The following COL19A1 variants were observed in gnomAD, a reference collection of about 807,000 sequenced individuals.
COL19A1 encodes the protein collagen alpha-1(XIX) chain.
Under a neutral mutation model 190.2 loss-of-function variants are expected in COL19A1, and 159 were observed. The observed-to-expected ratio is 0.84, with a 90% CI of 0.73 to 0.95. The LOEUF is 0.95. COL19A1 is among the 40% of genes least tolerant of loss of function. The probability of loss-of-function intolerance (pLI) is 0.00; values close to 1 mark genes in which losing one functional copy is unlikely to be tolerated. For missense variants in COL19A1, 1,418 were observed against 1,431.9 expected (o/e 0.99, Z 0.16); for synonymous variants, 509 against 458.9 (o/e 1.11, Z -1.39).
chr6:70,148,800 G>A (rs1180621450), intron 27 of COL19A1, among the ~76,000 whole-genome samples: 1 of 152,082 alleles, frequency 6.6e-6, no homozygotes, highest in Non-Finnish European at 1.5e-5. Flanking sequence ...GGTGGTGGGT[G>A]CCTGTAATAC....
chr6:70,098,530 G>A, intron 15 of COL19A1: 6 of 456,094 alleles, frequency 1.3e-5, no homozygotes, highest in Non-Finnish European at 2.6e-5. Flanking sequence ...TTTAAGCCTT[G>A]GCACTTCAGT....
chr6:69,894,155 ATC>A (rs1719286471), intron 2 of COL19A1, among the ~76,000 whole-genome samples: 1 of 152,234 alleles, frequency 6.6e-6, no homozygotes, highest in African/African-American at 2.4e-5. Context: ...CTGAGAATAA[ATC>A]TCTGAAAATA....
intron 15 of COL19A1, among the ~76,000 whole-genome samples, chr6:70,090,466 C>G (rs1265848980): frequency 6.6e-6 from 1 of 151,312 alleles, no homozygotes; most frequent in Non-Finnish European, 1.5e-5. Context: ...TATGCAGATT[C>G]TATACCATTT....
intron 15 of COL19A1, among the ~76,000 whole-genome samples, chr6:70,098,927 G>T (rs539785098): frequency 6.6e-6 from 1 of 151,512 alleles, no homozygotes; most frequent in African/African-American, 2.4e-5. Flanking sequence ...GATAGAAATT[G>T]CAGCCCCTAA....
intron 1 of COL19A1, among the ~76,000 whole-genome samples, chr6:69,868,413 A>G (rs1407710900): frequency 6.6e-6 from 1 of 152,102 alleles, no homozygotes; most frequent in Non-Finnish European, 1.5e-5. Flanking sequence ...GTGTAGGAAT[A>G]TCTCTTCAGG....
chr6:70,179,019 G>A (rs563165536), intron 42 of COL19A1, among the ~76,000 whole-genome samples: 16 of 151,984 alleles, frequency 1.1e-4, no homozygotes, highest in Non-Finnish European at 2.2e-4. Flanking sequence ...CTCAAGGCCC[G>A]AGCCCTCTAT....
chr6:70,102,830 C>T (rs139139329), intron 16 of COL19A1, among the ~76,000 whole-genome samples: 3,630 of 152,226 alleles, frequency 0.024, 60 homozygotes, highest in Non-Finnish European at 0.041. Flanking sequence ...TCTGTGGTCA[C>T]CAACAATCTC....
At chr6:69,938,508 C>G (rs558936022) in intron 9 of COL19A1, among the ~76,000 whole-genome samples, 1 of 151,650 alleles carries the variant, frequency 6.6e-6, no homozygotes, top group East Asian at 1.9e-4. Flanking sequence ...TTTTTTTAAA[C>G]GGCCAACTTT....
chr6:70,067,669 G>T (rs1781324313), intron 14 of COL19A1, among the ~76,000 whole-genome samples: 1 of 152,040 alleles, frequency 6.6e-6, no homozygotes. Flanking sequence ...GGACTGAGAA[G>T]AAAATGAGAC....
chr6:70,103,975 A>T (rs1281845707), intron 16 of COL19A1, among the ~76,000 whole-genome samples: 1 of 152,134 alleles, frequency 6.6e-6, no homozygotes, highest in Non-Finnish European at 1.5e-5. Context: ...AAAGACCAAA[A>T]ACACCCTGCA....
chr6:70,043,327 G>T (rs2150125410), intron 14 of COL19A1, among the ~76,000 whole-genome samples: 2 of 151,898 alleles, frequency 1.3e-5, no homozygotes, highest in South Asian at 4.2e-4. Flanking sequence ...GAGTAGCTGG[G>T]ACTACAGGCG....
At chr6:70,123,875 T>C (rs1223768271) in intron 17 of COL19A1, among the ~76,000 whole-genome samples, 1 of 149,664 alleles carries the variant, frequency 6.7e-6, no homozygotes, top group East Asian at 2.0e-4. Context: ...GACGAGTTAG[T>C]GGGTGCAGCA....
At chr6:69,885,728 A>ATT (rs56371611) in intron 2 of COL19A1, among the ~76,000 whole-genome samples, 9 of 151,714 alleles carry the variant, frequency 5.9e-5, no homozygotes, top group Non-Finnish European at 7.4e-5. Flanking sequence ...ATCACACAAT[A>ATT]TTTTTTTTCC....
At chr6:69,952,854 T>G (rs1165239820) in intron 9 of COL19A1, among the ~76,000 whole-genome samples, 1 of 152,068 alleles carries the variant, frequency 6.6e-6, no homozygotes, top group Non-Finnish European at 1.5e-5. Flanking sequence ...TTACAGTTTA[T>G]GTAAGTGCAG....
At chr6:69,867,091 C>A in intron 1 of COL19A1, among the ~76,000 whole-genome samples, 1 of 100,506 alleles carries the variant, frequency 9.9e-6, no homozygotes, top group Non-Finnish European at 2.1e-5. Context: ...GCCGTTAGAG[C>A]GCTTTTTTTT....
intron 1 of COL19A1, among the ~76,000 whole-genome samples, chr6:69,876,216 A>G (rs1768119502): frequency 6.6e-6 from 1 of 152,204 alleles, no homozygotes; most frequent in Non-Finnish European, 1.5e-5. Context: ...ACTAGCCATA[A>G]ATCTTATTCT....
chr6:70,030,717 G>T (rs1779013710), intron 12 of COL19A1, among the ~76,000 whole-genome samples: 1 of 152,014 alleles, frequency 6.6e-6, no homozygotes, highest in Non-Finnish European at 1.5e-5. Context: ...AAATTTCTCT[G>T]CTCAGTGAAT....
At chr6:70,159,340 T>C (rs372463877) in intron 34 of COL19A1, among the ~76,000 whole-genome samples, 30 of 151,860 alleles carry the variant, frequency 2.0e-4, no homozygotes, top group African/African-American at 6.0e-4. Context: ...AAGTTAATGT[T>C]AGGGGAATAA....
intron 1 of COL19A1, among the ~76,000 whole-genome samples, chr6:69,868,048 G>A (rs1412201444): frequency 2.0e-5 from 3 of 151,446 alleles, no homozygotes; most frequent in Admixed American, 1.3e-4. Context: ...CTGCTGTAGG[G>A]GAATTTACAT....
Sources: allele counts gnomAD v4.1 joint callset (sites outside exome capture counted in the v4.1 genomes callset), GRCh38; gene constraint gnomAD v4.1.1; transcripts MANE v1.5; gene names NCBI Gene and HGNC (gene_info 2026-07-23, HGNC 2026-07-21).